CLNK: variants seen among roughly 807,000 people sequenced by gnomAD.
The protein encoded by CLNK is cytokine dependent hematopoietic cell linker, also known as cytokine-dependent hematopoietic cell linker.
In CLNK, 74 loss-of-function variants were observed where a neutral mutation model predicts 68.6. That is an observed-to-expected ratio of 1.08 (90% confidence interval 0.89 to 1.31). The LOEUF (loss-of-function observed/expected upper bound fraction) is 1.31, where lower values mean the gene tolerates loss of function less well. Among genes scored for constraint, CLNK ranks in the 50% most tolerant of loss-of-function variants. The pLI, the probability that CLNK is intolerant of heterozygous loss-of-function variation, is 0.00. For missense variants in CLNK, 553 were observed against 515.3 expected (o/e 1.07, Z -0.71); for synonymous variants, 198 against 172.2 (o/e 1.15, Z -1.17).
At chr4:10,591,002 G>A (rs930171439) in intron 3 of CLNK, among the ~76,000 whole-genome samples, 3 of 152,288 alleles carry the variant, frequency 2.0e-5, no homozygotes, top group Admixed American at 6.5e-5. Context: ...GAGTGCCACC[G>A]AGTCTGTCTG....
intron 2 of CLNK, among the ~76,000 whole-genome samples, chr4:10,642,458 G>A (rs1325759876): frequency 6.6e-6 from 1 of 152,176 alleles, no homozygotes; most frequent in Non-Finnish European, 1.5e-5. Context: ...TACCCTAAAG[G>A]TAGACCAGTT....
chr4:10,615,508 C>T (rs1260945290), intron 2 of CLNK, among the ~76,000 whole-genome samples: 1 of 151,932 alleles, frequency 6.6e-6, no homozygotes, highest in Non-Finnish European at 1.5e-5. Context: ...CGGAGTAAGA[C>T]TCTGTCTCAA....
chr4:10,656,171 G>A (rs1723976732), intron 2 of CLNK, among the ~76,000 whole-genome samples: 1 of 151,804 alleles, frequency 6.6e-6, no homozygotes, highest in Non-Finnish European at 1.5e-5. Context: ...CAAAATGAAT[G>A]AATCATAAGG....
At chr4:10,629,498 A>G (rs1722803304) in intron 2 of CLNK, among the ~76,000 whole-genome samples, 1 of 152,210 alleles carries the variant, frequency 6.6e-6, no homozygotes, top group Non-Finnish European at 1.5e-5. Context: ...CTTAGGGATC[A>G]GAAGTGGGCA....
chr4:10,539,017 C>T (rs1718911222), intron 11 of CLNK, among the ~76,000 whole-genome samples: 1 of 152,228 alleles, frequency 6.6e-6, no homozygotes, highest in African/African-American at 2.4e-5. Context: ...TCTCCAGAAG[C>T]CGAGCAGATG....
chr4:10,596,263 G>C (rs534621950), intron 3 of CLNK, among the ~76,000 whole-genome samples: 1 of 152,276 alleles, frequency 6.6e-6, no homozygotes, highest in East Asian at 1.9e-4. Context: ...GACCTCAGGT[G>C]ATCCGCCTGC....
At chr4:10,525,787 C>T (rs1718290455) in intron 14 of CLNK, 54 bp downstream of exon 14, 11 of 1,025,298 alleles carry the variant, frequency 1.1e-5, no homozygotes, top group African/African-American at 3.2e-5. Flanking sequence ...TCTGAGACAG[C>T]ACATGGCCTG....
intron 2 of CLNK, among the ~76,000 whole-genome samples, chr4:10,652,116 C>T (rs1723766332): frequency 1.3e-5 from 2 of 151,970 alleles, no homozygotes; most frequent in African/African-American, 2.4e-5. Flanking sequence ...TGCAGTAGCT[C>T]ATGCCTGTAA....
chr4:10,546,299 A>G lies in CLNK; in HGVS notation c.446-4019T>C, dbSNP rs141569098. On this transcript the variant is annotated intron_variant, in intron 8 of 18. Transcript: ENST00000226951. ...TCTGAAATATCAATGTAAGTTGCCA[A>G]AATAACCCTGCAGCTCCTTCTATAT... is the stretch of plus-strand genomic sequence containing the variant. Among the ~76,000 whole-genome samples, 77 of 152,328 alleles carry G rather than the reference A, an allele frequency of 5.1e-4. No individual in the cohort carries two copies. The East Asian group carries it at 0.012, about 24-fold the overall frequency.
chr4:10,634,581 T>C (rs1723010420), intron 2 of CLNK, among the ~76,000 whole-genome samples: 1 of 152,228 alleles, frequency 6.6e-6, no homozygotes, highest in East Asian at 1.9e-4. Flanking sequence ...ACCGAAAGAC[T>C]GAATTTTTAG....
chr4:10,687,594 T>C (rs1339029638), upstream of CLNK, among the ~76,000 whole-genome samples: 2 of 152,010 alleles, frequency 1.3e-5, no homozygotes, highest in Admixed American at 6.6e-5. Flanking sequence ...GCCAAAGATA[T>C]TGTCAATCTG....
At chr4:10,709,784 G>A in the CLNK span, among the ~76,000 whole-genome samples, 1 of 152,084 alleles carries the variant, frequency 6.6e-6, no homozygotes. Flanking sequence ...AACACCAACA[G>A]GCTAGACTGC....
chr4:10,590,901 G>C (rs1397190476), intron 3 of CLNK, among the ~76,000 whole-genome samples: 1 of 152,078 alleles, frequency 6.6e-6, no homozygotes, highest in Non-Finnish European at 1.5e-5. Flanking sequence ...TAGGGCCATT[G>C]TAAAATATCA....
At chr4:10,496,231 T>A (rs1716805284) in intron 18 of CLNK, among the ~76,000 whole-genome samples, 1 of 152,250 alleles carries the variant, frequency 6.6e-6, no homozygotes, top group Admixed American at 6.5e-5. Context: ...ATTAAAATAA[T>A]CTTTGAAGAT....
At chr4:10,503,278 A>G (rs555282968) in intron 17 of CLNK, among the ~76,000 whole-genome samples, 1 of 152,120 alleles carries the variant, frequency 6.6e-6, no homozygotes, top group Admixed American at 6.5e-5. Flanking sequence ...CCCGGCTGAC[A>G]TGGGGAAACC....
intron 8 of CLNK, among the ~76,000 whole-genome samples, chr4:10,553,762 T>C (rs1719557727): frequency 1.3e-5 from 2 of 152,222 alleles, no homozygotes; most frequent in Admixed American, 6.5e-5. Context: ...CCTTCTCTTT[T>C]ATTTAATATG....
rs369654244 is a variant in CLNK, at chr4:10,564,670, C to T, written c.399+1G>A. On this transcript the variant is annotated splice_donor_variant, in intron 7 of 18. Transcript: ENST00000226951. LOFTEE classifies it high-confidence loss of function. ...TGTCACAATGTCCAGTCTTTACTCA[C>T]TCTTTCCAACCTCGTCTGTGTGTTC... 1 of 1,604,924 alleles carries T rather than the reference C, an allele frequency of 6.2e-7. No homozygotes were observed. Among genetic ancestry groups the T allele is most frequent in the African/African-American group, 1.3e-5 (1 of 74,848 alleles).
intron 2 of CLNK, among the ~76,000 whole-genome samples, chr4:10,620,094 C>G (rs770828765): frequency 2.6e-5 from 4 of 152,180 alleles, no homozygotes; most frequent in Non-Finnish European, 4.4e-5. Context: ...TTCTGCGCAT[C>G]AAGAAAAGGG....
chr4:10,538,679 C>A (rs1405532284), intron 11 of CLNK, among the ~76,000 whole-genome samples: 1 of 152,158 alleles, frequency 6.6e-6, no homozygotes, highest in Admixed American at 6.5e-5. Context: ...TTGAAAGCTG[C>A]AGAAGGAAAT....
Sources: gnomAD v4.1 joint callset for allele counts (sites outside exome capture counted in the v4.1 genomes callset) on GRCh38, gnomAD v4.1.1 for gene constraint, MANE v1.5 for transcripts, NCBI Gene and HGNC (gene_info 2026-07-23, HGNC 2026-07-21) for gene names.